DHCR7: variants seen among roughly 807,000 people sequenced by gnomAD.
The protein encoded by DHCR7 is 7-DHC reductase.
In DHCR7, 40 loss-of-function variants were observed where a neutral mutation model predicts 43.3. The observed-to-expected ratio is 0.92, with a 90% CI of 0.72 to 1.20. DHCR7 has a LOEUF of 1.20. Among genes scored for constraint, DHCR7 ranks in the 50% most tolerant of loss-of-function variants. The pLI, the probability that DHCR7 is intolerant of heterozygous loss-of-function variation, is 0.00. For missense variants in DHCR7, 608 were observed against 644.6 expected (o/e 0.94, Z 0.62); for synonymous variants, 298 against 271.4 (o/e 1.10, Z -0.96).
In DHCR7 at chr11:71,435,361, C is replaced by A; in HGVS notation, c.*14G>T. The A allele has an allele frequency of 6.2e-7, 1 of 1,610,572 alleles. No individual in the cohort carries two copies. Among genetic ancestry groups the A allele is most frequent in the Admixed American group, 1.7e-5 (1 of 60,028 alleles). ...TCTTGACAGCCCCACAGGGCTTCTC[C>A]CTAGGGCGTGCCCTTAGAAGATTCC... is the stretch of plus-strand genomic sequence containing the variant. On this transcript the variant is annotated 3_prime_UTR_variant, in exon 9 of 9. Transcript: ENST00000355527.
At position 71,439,044 on chromosome 11, in the gene DHCR7, G is replaced by T; in HGVS notation, c.666C>A (p.Gly222=). The T allele has an allele frequency of 6.2e-7, 1 of 1,614,106 alleles. No homozygotes were observed. The change falls in exon 7 of 9, where the codon GGC becomes GGA. Residue 222 remains glycine (G), a synonymous_variant. Transcript: ENST00000355527. ...TCCCGATCCGAGGGTTAAACTCGAT[G>T]CCCATCATGTAGTTGTAAAAGAAAT... ...TGNFFYNYMM[G]IEFNPRIGKW... is the part of the protein sequence containing the mutation.
At chr11:71,437,694 T>C in intron 8 of DHCR7, 118 bp downstream of exon 8, 1 of 1,473,042 alleles carries the variant, frequency 6.8e-7, no homozygotes, top group Non-Finnish European at 9.2e-7. Flanking sequence ...AGGCCTTCCC[T>C]TCTTCCTAGA....
intron 6 of DHCR7, among the ~76,000 whole-genome samples, chr11:71,440,040 A>C (rs760596499): frequency 2.9e-4 from 44 of 152,264 alleles, no homozygotes; most frequent in Middle Eastern, 6.8e-3. Context: ...GATAGATAAC[A>C]GGGTGAGTGG....
In DHCR7 at chr11:71,428,760, C is replaced by T. The variant is rs530416261; in HGVS notation, c.*63G>A. On this transcript the variant is annotated 3_prime_UTR_variant, in exon 3 of 3. Coordinates refer to the DHCR7 transcript ENST00000534795. ...GAAACAGCCCAGATGGTTCTGCAGA[C>T]GCCTTTGCTGCCCTCCCCAGGGTCA... 225 of 449,490 alleles carry T rather than the reference C, an allele frequency of 5.0e-4. 1 individual carries two copies. Among genetic ancestry groups the T allele is most frequent in the Admixed American group, 1.8e-3 (74 of 41,552 alleles). The allele number at this position is 449,490 out of a possible 1,614,324, so 27.8% of individuals were successfully genotyped here.
At chr11:71,435,895 G>C (rs1253089127) in intron 8 of DHCR7, 56 bp from the exon 9 acceptor site, 4 of 1,477,344 alleles carry the variant, frequency 2.7e-6, no homozygotes, top group Non-Finnish European at 3.7e-6. Flanking sequence ...GAGGACAGGA[G>C]TGTGGGCTCG....
chr11:71,439,096 A>C lies in DHCR7; in HGVS notation c.627-13T>G. ...GCCTGTGAATTTGCTTAAAAATATA[A>C]ATAAAAGATACATTTAGTGGATGAG... On this transcript the variant is annotated splice_polypyrimidine_tract_variant and intron_variant, in intron 6 of 8. Coordinates refer to ENST00000355527, the MANE Select transcript of DHCR7 (RefSeq NM_001360.3). The C allele has an allele frequency of 6.2e-7, 1 of 1,609,968 alleles. No homozygotes were observed. The highest frequency in any genetic ancestry group is 8.5e-7 in the Non-Finnish European group (1 of 1,177,170).
intron 7 of DHCR7, 58 bp downstream of exon 7, chr11:71,438,821 G>T: frequency 6.4e-7 from 1 of 1,564,242 alleles, no homozygotes; most frequent in Non-Finnish European, 8.8e-7. Context: ...TCTGGCTTGC[G>T]GGTTCCCCCA....
downstream of DHCR7, among the ~76,000 whole-genome samples, chr11:71,431,420 G>A (rs142261483): frequency 2.0e-4 from 30 of 152,156 alleles, no homozygotes; most frequent in Non-Finnish European, 4.0e-4. Flanking sequence ...GCCTCCTGTC[G>A]CTATCACTGA....
intron 5 of DHCR7, 28 bp downstream of exon 5, chr11:71,442,235 C>T: frequency 6.4e-7 from 1 of 1,557,114 alleles, no homozygotes; most frequent in African/African-American, 1.4e-5. Context: ...GAACGGGAGC[C>T]TGGGGAGGGT....
intron 6 of DHCR7, 64 bp from the exon 7 acceptor site, chr11:71,439,147 T>G: frequency 6.7e-7 from 1 of 1,496,452 alleles, no homozygotes; most frequent in Middle Eastern, 1.7e-4. Flanking sequence ...GAAGCCACCT[T>G]ACTTAGCGAG....
chr11:71,444,302 G>A (rs182246900), intron 3 of DHCR7, 87 bp from the exon 4 acceptor site: 7 of 1,180,832 alleles, frequency 5.9e-6, no homozygotes, highest in South Asian at 1.3e-5. Flanking sequence ...TGGGAGAACT[G>A]TTGCTCAAAC....
rs751271365 is a variant in DHCR7 at position 71,443,746 on chromosome 11, G to A, written c.321+247C>T. 6.6e-5 allele frequency among the ~76,000 whole-genome samples: 10 copies of A among 152,174 alleles called. No individual in the cohort carries two copies. In the East Asian group the frequency reaches 7.7e-4, roughly 12 times the overall value. ...TCAGCTTGTCCCTGCAGAGCTGGGC[G>A]TGCCCAGCAACTGCATGCAGGCATG... On this transcript the variant is annotated intron_variant, in intron 4 of 8. Transcript: ENST00000355527.
intron 2 of DHCR7, among the ~76,000 whole-genome samples, chr11:71,446,564 C>T (rs972210202): frequency 2.6e-5 from 4 of 152,164 alleles, no homozygotes; most frequent in African/African-American, 7.2e-5. Flanking sequence ...GCAAGACTGT[C>T]GGATGTGGGA....
rs374034486 is a variant in DHCR7 at position 71,437,307 on chromosome 11, C to T, written c.963+505G>A. Among the ~76,000 whole-genome samples, 67 of 152,290 alleles carry T rather than the reference C, an allele frequency of 4.4e-4. 1 individual carries two copies. The South Asian group carries it at 0.013, about 30-fold the overall frequency. On this transcript the variant is annotated intron_variant, in intron 8 of 8. Transcript: ENST00000355527. ...GAGTTATTTCTGTCCCCAGGGGGCT[C>T]GTTGCTCTTGAAATGGGCAGGTGGC...
chr11:71,437,277 G>A (rs1227085099), intron 8 of DHCR7, among the ~76,000 whole-genome samples: 1 of 152,194 alleles, frequency 6.6e-6, no homozygotes, highest in Non-Finnish European at 1.5e-5. Context: ...CAAGTGCCCT[G>A]GGGTGAGTTA....
downstream of DHCR7, among the ~76,000 whole-genome samples, chr11:71,430,188 C>A (rs1023322981): frequency 4.0e-4 from 61 of 152,232 alleles, no homozygotes; most frequent in African/African-American, 1.4e-3. Context: ...GCCTCTTGAC[C>A]AGAAAATCTG....
At position 71,439,201 on chromosome 11, in the gene DHCR7, C is replaced by T. The variant is rs1792264; in HGVS notation, c.627-118G>A. ...GGTCCTAAAGGGTAACGTGAGACGG[C>T]GCAGGCAGAAGCTGGCCATGAGCCG... On this transcript the variant is annotated intron_variant, in intron 6 of 8. Coordinates refer to ENST00000355527, the MANE Select transcript of DHCR7 (RefSeq NM_001360.3). 244,188 of 982,110 alleles carry T rather than the reference C, an allele frequency of 0.25. 35,571 individuals are homozygous for T. The highest frequency in any genetic ancestry group is 0.47 in the South Asian group (32,850 of 70,188). The allele number at this position is 982,110 out of a possible 1,614,324, so 60.8% of individuals were successfully genotyped here.
At chr11:71,440,123 G>A (rs1157869108) in intron 6 of DHCR7, among the ~76,000 whole-genome samples, 1 of 152,138 alleles carries the variant, frequency 6.6e-6, no homozygotes, top group African/African-American at 2.4e-5. Context: ...TTGAGCTGGG[G>A]TGCAGGGTGG....
Position 71,435,786 on chromosome 11 carries a change from G to A in DHCR7, c.1017C>T (p.Gly339=), listed in dbSNP as rs774757811. 56 of 1,608,438 alleles carry A rather than the reference G, an allele frequency of 3.5e-5. No homozygotes were observed. Among genetic ancestry groups the A allele is most frequent in the African/African-American group, 5.3e-5 (4 of 74,862 alleles). ...PVQLSTPHAV[G]VLLLGLVGYY... is the part of the protein sequence containing the mutation. ...AGCCCACCAGGCCCAGCAGCAGGAC[G>A]CCCACGGCGTGCGGGGTGGACAGCT... The change falls in exon 9 of 9, where the codon GGC becomes GGT. Residue 339 remains glycine, a synonymous_variant. Coordinates refer to ENST00000355527, the MANE Select transcript of DHCR7 (RefSeq NM_001360.3).
Sources: allele counts gnomAD v4.1 joint callset (sites outside exome capture counted in the v4.1 genomes callset), GRCh38; gene constraint gnomAD v4.1.1; transcripts MANE v1.5; gene names NCBI Gene and HGNC (gene_info 2026-07-23, HGNC 2026-07-21).